BAIAP2: variants seen among roughly 807,000 people sequenced by gnomAD.
BAIAP2 encodes the protein BAR/IMD domain-containing adapter protein 2.
A neutral mutation model predicts 63.0 loss-of-function variants in BAIAP2; 18 were observed. The ratio of observed to expected loss-of-function variants is 0.29; its 90% CI spans 0.20 to 0.42. The LOEUF is 0.42. Among genes scored for constraint, BAIAP2 ranks in the 10% least tolerant of loss-of-function variants. The pLI, the probability that BAIAP2 is intolerant of heterozygous loss-of-function variation, is 1.00. For missense variants in BAIAP2, 610 were observed against 734.3 expected (o/e 0.83, Z 1.96); for synonymous variants, 386 against 307.6 (o/e 1.25, Z -2.67).
rs553639917 is a variant in BAIAP2, at chr17:81,099,409, C to T, written c.490-519C>T. Among the ~76,000 whole-genome samples the T allele has an allele frequency of 2.6e-4, 39 of 151,374 alleles. No individual in the cohort carries two copies. In the South Asian group the frequency reaches 7.0e-3, roughly 27 times the overall value. The stretch of plus-strand genomic sequence containing the variant: ...CCTTGGCCACTGTCCTGGGCTCCAG[C>T]TCTCCTGCCTTTCGTGCTGGGGCTG... On this transcript the variant is annotated intron_variant, in intron 6 of 13. Transcript: ENST00000428708.
intron 10 of BAIAP2, chr17:81,104,971 C>A (rs1393666969): frequency 8.6e-6 from 4 of 463,742 alleles, no homozygotes; most frequent in African/African-American, 5.9e-5. Flanking sequence ...GGATCTCCCC[C>A]CAACAGCAGG....
intron 1 of BAIAP2, among the ~76,000 whole-genome samples, chr17:81,041,454 A>T (rs2047062018): frequency 6.6e-6 from 1 of 152,246 alleles, no homozygotes; most frequent in Non-Finnish European, 1.5e-5. Context: ...AAAGGCTGTC[A>T]GTTACAACAG....
At chr17:81,077,192 G>T (rs915286474) in intron 3 of BAIAP2, among the ~76,000 whole-genome samples, 7 of 152,162 alleles carry the variant, frequency 4.6e-5, no homozygotes, top group African/African-American at 1.7e-4. Flanking sequence ...GAAAGTGTCC[G>T]GGCAGTCAGC....
At chr17:81,073,392 A>G (rs756748094) in intron 3 of BAIAP2, among the ~76,000 whole-genome samples, 2 of 152,102 alleles carry the variant, frequency 1.3e-5, no homozygotes, top group Non-Finnish European at 2.9e-5. Flanking sequence ...GGGCTCAGCC[A>G]GGGCCGCCAG....
chr17:81,047,259 G>A (rs1189183814), intron 1 of BAIAP2, among the ~76,000 whole-genome samples: 4 of 152,166 alleles, frequency 2.6e-5, no homozygotes, highest in Non-Finnish European at 5.9e-5. Context: ...CCAGGACTCT[G>A]GGCTCCACCA....
At position 81,115,824 on chromosome 17, in the gene BAIAP2, C is replaced by G; in HGVS notation, c.1590C>G (p.Ala530=). The change falls in exon 14 of 14, where the codon GCC becomes GCG. Residue 530 remains alanine, a synonymous_variant. Transcript: ENST00000428708. ...CGACAGTGACCAACGACAGGTCTGC[C>G]CCCCTCCTCAGCTGATGGCCACATC... ...LKPTVTNDRS[A]PLLS is the part of the protein sequence containing the mutation. 6.2e-7 allele frequency: 1 copy of G among 1,613,492 alleles called. No individual in the cohort carries two copies. Among genetic ancestry groups the G allele is most frequent in the Middle Eastern group, 1.7e-4 (1 of 6,058 alleles).
chr17:81,104,697 A>T lies in BAIAP2; in HGVS notation c.1250A>T (p.Glu417Val). The change falls in exon 10 of 14, where the codon GAG (glutamate) becomes GTG (valine). Residue 417 changes from glutamate (E) to valine (V), a missense_variant. Glu to Val is a moderately radical substitution (Grantham distance 121). This residue lies in a region of BAIAP2 where 67 missense variants were observed against 132.0 expected (regional missense o/e 0.51). Coordinates refer to ENST00000428708, the MANE Select transcript of BAIAP2 (RefSeq NM_001144888.2). ...PEARDGWHYG[E>V]SEKTKMRGWF... ...GCCCGCGATGGCTGGCACTACGGAGAGAGTGAGAAGACCAAGATGTGAGTG... is the reference window on the plus strand; with the variant it reads ...GCCCGCGATGGCTGGCACTACGGAGTGAGTGAGAAGACCAAGATGTGAGTG... 6.3e-7 allele frequency: 1 copy of T among 1,588,076 alleles called. No homozygotes were observed.
At chr17:81,038,110 A>C (rs1026131785) in intron 1 of BAIAP2, among the ~76,000 whole-genome samples, 2 of 152,222 alleles carry the variant, frequency 1.3e-5, no homozygotes, top group African/African-American at 4.8e-5. Context: ...CCCTTCCTCC[A>C]CAGGAGCCCG....
chr17:81,106,104 C>T lies in BAIAP2; in HGVS notation c.1295C>T (p.Thr432Ile). Residue 432 changes from threonine (T) to isoleucine (I), a missense_variant, in exon 11 of 14, where the codon ACC (threonine) becomes ATC (isoleucine). Physicochemically the swap from Thr to Ile is moderately conservative, Grantham distance 89. Coordinates refer to ENST00000428708, the MANE Select transcript of BAIAP2 (RefSeq NM_001144888.2). ...KMRGWFPFSY[T>I]RVLDSDGSDR... Reference sequence around the variant, plus strand: ...CGGGGCTGGTTTCCCTTCTCCTACACCCGGGTCTTGGACAGCGATGGCAGT... The same window carrying T: ...CGGGGCTGGTTTCCCTTCTCCTACATCCGGGTCTTGGACAGCGATGGCAGT... The T allele has an allele frequency of 6.3e-7, 1 of 1,583,190 alleles. No individual in the cohort carries two copies. Among genetic ancestry groups the T allele is most frequent in the Non-Finnish European group, 8.6e-7 (1 of 1,164,358 alleles).
chr17:81,107,161 C>T, intron 12 of BAIAP2: 1 of 488,782 alleles, frequency 2.0e-6, no homozygotes, highest in Non-Finnish European at 3.6e-6. Context: ...TCATGGTGCC[C>T]TCAGCCAGCC....
intron 7 of BAIAP2, among the ~76,000 whole-genome samples, chr17:81,101,012 G>A (rs774163682): frequency 3.9e-5 from 6 of 152,078 alleles, no homozygotes; most frequent in African/African-American, 7.2e-5. Flanking sequence ...CCTTGGGCCG[G>A]TAGACTCTTG....
intron 13 of BAIAP2, chr17:81,110,800 G>T: frequency 7.1e-7 from 1 of 1,402,536 alleles, no homozygotes; most frequent in Non-Finnish European, 1.0e-6. Context: ...TGCCGACTCC[G>T]AGTGCTCCAG....
intron 13 of BAIAP2, chr17:81,110,956 G>C (rs750669897): frequency 6.2e-7 from 1 of 1,613,886 alleles, no homozygotes. Flanking sequence ...CCTGACTAGA[G>C]TTAGTAAGTT....
At chr17:81,115,139 C>G (rs377657460) in intron 13 of BAIAP2, among the ~76,000 whole-genome samples, 1 of 152,206 alleles carries the variant, frequency 6.6e-6, no homozygotes, top group African/African-American at 2.4e-5. Context: ...GCTGTGGCCC[C>G]GGGGATATGG....
chr17:81,059,864 T>C lies in BAIAP2; in HGVS notation c.217+1897T>C, dbSNP rs74381752. Among the ~76,000 whole-genome samples, 274 of 152,352 alleles carry C rather than the reference T, an allele frequency of 1.8e-3. 11 individuals are homozygous for C. In the East Asian group the frequency reaches 0.049, roughly 27 times the overall value. On this transcript the variant is annotated intron_variant, in intron 3 of 13. Transcript: ENST00000428708. ...TCTGCCCGTGGGGAACTCCAGGCTC[T>C]TGTGGCCCACAGTGAGGGGTGGGTG...
rs148381886 is a variant in BAIAP2, at chr17:81,090,671, C to A, written c.489+4091C>A. On this transcript the variant is annotated intron_variant, in intron 6 of 13. Transcript: ENST00000428708. ...GGAGGCCAGGCCTCGGAGCCGTCAG[C>A]ATCCCCAGCCCCACATCGGAGTTTG... Among the ~76,000 whole-genome samples the A allele has an allele frequency of 2.6e-3, 401 of 152,366 alleles. 4 individuals are homozygous for A. The highest frequency in any genetic ancestry group is 4.2e-3 in the Non-Finnish European group (289 of 68,028).
At chr17:81,055,613 C>G (rs558474386) in intron 2 of BAIAP2, among the ~76,000 whole-genome samples, 2 of 94,144 alleles carry the variant, frequency 2.1e-5, no homozygotes, top group Admixed American at 1.4e-4. Context: ...TTGCCCAGGC[C>G]AGACTGCAGT....
intron 1 of BAIAP2, among the ~76,000 whole-genome samples, chr17:81,038,899 G>A (rs60395032): frequency 1.2e-3 from 7 of 6,010 alleles, no homozygotes; most frequent in Non-Finnish European, 1.5e-3. Flanking sequence ...GCCTTCCTGG[G>A]TGGGGGGGGC....
intron 2 of BAIAP2, among the ~76,000 whole-genome samples, chr17:81,054,535 C>T (rs1268244620): frequency 6.6e-6 from 1 of 152,178 alleles, no homozygotes; most frequent in Non-Finnish European, 1.5e-5. Flanking sequence ...CTGCTCTTGT[C>T]CTGTGGCATC....
Sources: allele counts gnomAD v4.1 joint callset (sites outside exome capture counted in the v4.1 genomes callset), GRCh38; gene constraint gnomAD v4.1.1; regional missense constraint gnomAD v4.1.1; transcripts MANE v1.5; gene names NCBI Gene and HGNC (gene_info 2026-07-23, HGNC 2026-07-21).